The following GOLM1 variants were observed in gnomAD, a reference collection of about 807,000 sequenced individuals.
GOLM1 encodes epididymis luminal protein 46.
In GOLM1, 31 loss-of-function variants were observed where a neutral mutation model predicts 50.5. The ratio of observed to expected loss-of-function variants is 0.61; its 90% CI spans 0.46 to 0.83. The LOEUF is 0.83. Ranked by LOEUF, GOLM1 falls within the 40% of genes least tolerant of loss-of-function variation. The probability of loss-of-function intolerance (pLI) is 0.00; values close to 1 mark genes in which losing one functional copy is unlikely to be tolerated. For missense variants in GOLM1, 491 were observed against 501.3 expected, an observed-to-expected ratio of 0.98 and a Z score of 0.20; for synonymous variants, 178 against 192.8, an observed-to-expected ratio of 0.92 and a Z score of 0.64.
chr9:86,063,129 C>T (rs1342988051), intron 3 of GOLM1, among the ~76,000 whole-genome samples: 1 of 152,252 alleles, frequency 6.6e-6, no homozygotes, highest in Non-Finnish European at 1.5e-5. Context: ...ACACTGCCAA[C>T]AGGGCTTGAC....
Position 86,026,848 on chromosome 9 carries a change from T to G in GOLM1, c.*969A>C. On this transcript the variant is annotated 3_prime_UTR_variant, in exon 10 of 10. Transcript: ENST00000388712. The stretch of plus-strand genomic sequence containing the variant: ...GTGTACACTATGATAAAAACAACCA[T>G]TGTATTCCTGTTTTTCTAAACAGTC... 1 of 981,116 alleles carries G rather than the reference T, an allele frequency of 1.0e-6. No homozygotes were observed. Among genetic ancestry groups the G allele is most frequent in the Non-Finnish European group, 1.2e-6 (1 of 826,014 alleles). 60.8% of individuals were successfully genotyped at this position (981,116 alleles called of 1,614,324 possible). A position where few individuals can be genotyped will look rare whatever the true frequency, so the allele number is the denominator to read the frequency against.
Position 86,033,353 on chromosome 9 carries a change from ATGT to A in GOLM1, c.1055_1057del (p.Asn352del). ...CTCAGATTCTGCTTCATTTTCATCC[ATGT>A]TGTAGTCATCTTCTCCTCTCAGTTT... On this transcript the variant is annotated inframe_deletion, in exon 9 of 10. Transcript: ENST00000388712. 3.1e-6 allele frequency: 5 copies of A among 1,613,366 alleles called. No homozygotes were observed. Among genetic ancestry groups the A allele is most frequent in the Non-Finnish European group, 4.2e-6 (5 of 1,179,372 alleles).
At chr9:86,092,011 C>T (rs1438700366) in intron 1 of GOLM1, among the ~76,000 whole-genome samples, 1 of 152,126 alleles carries the variant, frequency 6.6e-6, no homozygotes, top group African/African-American at 2.4e-5. Flanking sequence ...TCAGGAACCC[C>T]ACAGACTGGA....
chr9:86,033,822 T>C (rs1833053983), intron 8 of GOLM1, among the ~76,000 whole-genome samples: 1 of 152,176 alleles, frequency 6.6e-6, no homozygotes, highest in Non-Finnish European at 1.5e-5. Flanking sequence ...CCCTCATACT[T>C]AGAGCATGAG....
intron 1 of GOLM1, among the ~76,000 whole-genome samples, chr9:86,098,234 T>C (rs1835411472): frequency 1.3e-5 from 2 of 152,118 alleles, no homozygotes; most frequent in Admixed American, 1.3e-4. Context: ...AGCAAGTTAC[T>C]AGTTTCTATT....
chr9:86,033,990 A>C (rs1587694410), intron 8 of GOLM1, among the ~76,000 whole-genome samples: 1 of 136,694 alleles, frequency 7.3e-6, no homozygotes, highest in East Asian at 2.1e-4. Context: ...TTTGAGATGG[A>C]GTCTCACTCT....
At chr9:86,090,817 C>A (rs1275826039) in intron 1 of GOLM1, among the ~76,000 whole-genome samples, 1 of 141,044 alleles carries the variant, frequency 7.1e-6, no homozygotes, top group Non-Finnish European at 1.5e-5. Context: ...AAAAAAAACT[C>A]CTGCAGCTAG....
chr9:86,054,239 A>G (rs1833916360), intron 3 of GOLM1, among the ~76,000 whole-genome samples: 1 of 152,020 alleles, frequency 6.6e-6, no homozygotes, highest in Admixed American at 6.6e-5. Flanking sequence ...GAGCTCTTCT[A>G]AGCACCCCAC....
At chr9:86,077,624 C>G (rs1424076203) in intron 2 of GOLM1, 33 bp from the exon 3 acceptor site, 3 of 1,553,330 alleles carry the variant, frequency 1.9e-6, no homozygotes. Flanking sequence ...GGGCTGATGC[C>G]AAGTTACCTG....
chr9:86,027,996 G>C lies in GOLM1; in HGVS notation c.1130-103C>G, dbSNP rs139442225. 7.6e-5 allele frequency: 50 copies of C among 657,422 alleles called. No individual in the cohort carries two copies. In the South Asian group the frequency reaches 9.2e-4, roughly 12 times the overall value. 40.7% of individuals were successfully genotyped at this position (657,422 alleles called of 1,614,324 possible). ...AACTTCTAGAAACTGTCATAAAGAGGACTGCATCTCCCACAGCAACACTGT... is the reference window on the plus strand; with the variant it reads ...AACTTCTAGAAACTGTCATAAAGAGCACTGCATCTCCCACAGCAACACTGT... On this transcript the variant is annotated intron_variant, in intron 9 of 9. Transcript: ENST00000388712.
At chr9:86,059,363 T>C (rs1225566144) in intron 3 of GOLM1, among the ~76,000 whole-genome samples, 1 of 152,142 alleles carries the variant, frequency 6.6e-6, no homozygotes, top group Admixed American at 6.5e-5. Context: ...CGTTCAGCCA[T>C]AGGAGAGAAG....
rs564260924 is a variant in GOLM1 at position 86,089,558 on chromosome 9, T to C, written c.-22+9853A>G. On this transcript the variant is annotated intron_variant, in intron 1 of 9. Coordinates refer to ENST00000388712, the MANE Select transcript of GOLM1 (RefSeq NM_016548.4). ...TCCGCTTGACCGATTTGGCTATTGATACTTGCATATGCTTCACGAAGTTCT... is the reference window on the plus strand; with the variant it reads ...TCCGCTTGACCGATTTGGCTATTGACACTTGCATATGCTTCACGAAGTTCT... 1.2e-4 allele frequency among the ~76,000 whole-genome samples: 18 copies of C among 152,244 alleles called. No individual in the cohort carries two copies. In the South Asian group the frequency reaches 3.5e-3, roughly 30 times the overall value.
intron 1 of GOLM1, among the ~76,000 whole-genome samples, chr9:86,096,082 G>C (rs1285800530): frequency 6.6e-6 from 1 of 151,918 alleles, no homozygotes; most frequent in Non-Finnish European, 1.5e-5. Context: ...CTAGGATGCA[G>C]TGATATGAGA....
chr9:86,048,737 T>G (rs1478123187), intron 4 of GOLM1, among the ~76,000 whole-genome samples: 1 of 152,224 alleles, frequency 6.6e-6, no homozygotes, highest in Non-Finnish European at 1.5e-5. Flanking sequence ...ATTTTTTTCT[T>G]CTAAATTTGT....
intron 3 of GOLM1, among the ~76,000 whole-genome samples, chr9:86,054,435 G>GC (rs1833924476): frequency 6.6e-6 from 1 of 152,072 alleles, no homozygotes; most frequent in African/African-American, 2.4e-5. Flanking sequence ...TGTTGGCCAG[G>GC]CTGGTCTCAA....
rs983784266 is a variant in GOLM1, at chr9:86,052,348, A to AT, written c.364+188dup. Reference sequence around the variant, plus strand: ...AACAGCTTGCAATGTATTTGGCAATATTTTTTTTTAAAAGGAAAAGCCTCT... The same window carrying AT: ...AACAGCTTGCAATGTATTTGGCAATATTTTTTTTTTAAAAGGAAAAGCCTCT... On this transcript the variant is annotated intron_variant, in intron 4 of 9. Coordinates refer to ENST00000388712, the MANE Select transcript of GOLM1 (RefSeq NM_016548.4). Among the ~76,000 whole-genome samples the AT allele has an allele frequency of 1.3e-4, 19 of 151,872 alleles. 1 individual carries two copies. The highest frequency in any genetic ancestry group is 2.0e-4 in the Admixed American group (3 of 15,226).
In GOLM1 at chr9:86,064,289, C is replaced by G. The variant is rs546059365; in HGVS notation, c.310-11698G>C. On this transcript the variant is annotated intron_variant, in intron 3 of 9. Coordinates refer to ENST00000388712, the MANE Select transcript of GOLM1 (RefSeq NM_016548.4). ...TTTCCAATCTAAAAAGACTAGAAGT[C>G]TTCTGAGACAAACACTTTTATTTTC... Among the ~76,000 whole-genome samples, 14 of 152,326 alleles carry G rather than the reference C, an allele frequency of 9.2e-5. No homozygotes were observed. In the South Asian group the frequency reaches 2.9e-3, roughly 32 times the overall value.
intron 4 of GOLM1, 72 bp downstream of exon 4, chr9:86,052,465 C>A (rs890979733): frequency 6.7e-5 from 87 of 1,297,484 alleles, no homozygotes; most frequent in Admixed American, 1.9e-4. Flanking sequence ...CCACCTGGGC[C>A]TAGAGAAGGA....
At chr9:86,053,596 CCACACACA>C (rs760427304) in intron 3 of GOLM1, among the ~76,000 whole-genome samples, 6 of 9,156 alleles carry the variant, frequency 6.6e-4, no homozygotes, top group African/African-American at 1.3e-3. Flanking sequence ...CCACACCACT[CCACACACA>C]CATCACACAC....
Sources: gnomAD v4.1 joint callset for allele counts (sites outside exome capture counted in the v4.1 genomes callset) on GRCh38, gnomAD v4.1.1 for gene constraint, MANE v1.5 for transcripts, NCBI Gene and HGNC (gene_info 2026-07-23, HGNC 2026-07-21) for gene names.